The following PLEKHH2 variants were observed in gnomAD, a reference collection of about 807,000 sequenced individuals.
PLEKHH2 encodes the protein pleckstrin homology domain-containing family H member 2.
PLEKHH2 carries 129 observed loss-of-function variants against 187.9 expected under a neutral mutation model. The ratio of observed to expected loss-of-function variants is 0.69; its 90% CI spans 0.59 to 0.79. PLEKHH2 has a LOEUF of 0.79. Among genes scored for constraint, PLEKHH2 ranks in the 30% least tolerant of loss-of-function variants. The pLI is 0.00. For synonymous variants in PLEKHH2, 686 were observed against 605.6 expected (o/e 1.13, Z -1.95); for missense variants, 2,076 against 1,751.2 (o/e 1.19, Z -3.31).
rs1336432869 is a variant in PLEKHH2 at position 43,767,693 on chromosome 2, C to A, written c.*2095C>A. ...TTATTCATCATTTGGTAAGCCCCTC[C>A]CCACACTCCTCTAATTTAAACAAGT... On this transcript the variant is annotated 3_prime_UTR_variant, in exon 30 of 30. Coordinates refer to ENST00000282406, the MANE Select transcript of PLEKHH2 (RefSeq NM_172069.4). The A allele has an allele frequency of 6.5e-6, 1 of 152,674 alleles. No individual in the cohort carries two copies. The highest frequency in any genetic ancestry group is 1.5e-5 in the Non-Finnish European group (1 of 68,020). The allele number at this position is 152,674 out of a possible 1,614,324, so 9.5% of individuals were successfully genotyped here.
At chr2:43,750,618 A>G (rs925755217) in intron 24 of PLEKHH2, among the ~76,000 whole-genome samples, 4 of 152,158 alleles carry the variant, frequency 2.6e-5, no homozygotes, top group African/African-American at 9.7e-5. Context: ...AACTCTTTGT[A>G]TGCATTCTTA....
intron 22 of PLEKHH2, among the ~76,000 whole-genome samples, chr2:43,743,129 G>A (rs1027849309): frequency 6.6e-6 from 1 of 152,200 alleles, no homozygotes; most frequent in African/African-American, 2.4e-5. Context: ...CCAAATAAGG[G>A]ATGGGCTTCA....
chr2:43,685,286 T>G (rs1401773677), intron 3 of PLEKHH2, among the ~76,000 whole-genome samples: 1 of 152,240 alleles, frequency 6.6e-6, no homozygotes, highest in Admixed American at 6.5e-5. Flanking sequence ...GCTTTGTACA[T>G]TTTTCCCTTT....
chr2:43,680,789 AT>A, intron 3 of PLEKHH2: 1 of 377,890 alleles, frequency 2.6e-6, no homozygotes, highest in Non-Finnish European at 5.0e-6. Context: ...CAAGTTTCTC[AT>A]TTTCTTGACA....
At chr2:43,717,713 G>A (rs1454378978) in intron 15 of PLEKHH2, among the ~76,000 whole-genome samples, 3 of 152,180 alleles carry the variant, frequency 2.0e-5, no homozygotes, top group Non-Finnish European at 2.9e-5. Flanking sequence ...CACAAGTCCT[G>A]GCTCTGCCAC....
chr2:43,714,984 T>C (rs1670145629), intron 15 of PLEKHH2, among the ~76,000 whole-genome samples: 1 of 152,064 alleles, frequency 6.6e-6, no homozygotes, highest in Non-Finnish European at 1.5e-5. Context: ...ACAGCGCGAA[T>C]GAAGGCTTAG....
chr2:43,739,343 G>A (rs140508638), intron 20 of PLEKHH2, among the ~76,000 whole-genome samples: 264 of 152,230 alleles, frequency 1.7e-3, no homozygotes, highest in African/African-American at 6.0e-3. Flanking sequence ...CTTTATTAGT[G>A]CAGTTGAATA....
chr2:43,752,274 A>G (rs1672040089), intron 24 of PLEKHH2, among the ~76,000 whole-genome samples: 1 of 152,180 alleles, frequency 6.6e-6, no homozygotes, highest in Non-Finnish European at 1.5e-5. Context: ...TCTGTTGCCC[A>G]GCCATATTCT....
chr2:43,678,270 C>T (rs1321994027), intron 2 of PLEKHH2, among the ~76,000 whole-genome samples: 19 of 150,764 alleles, frequency 1.3e-4, no homozygotes, highest in South Asian at 4.2e-4. Flanking sequence ...AGACCATGGG[C>T]GGCCAGGCAG....
intron 7 of PLEKHH2, among the ~76,000 whole-genome samples, chr2:43,698,130 C>T (rs996316410): frequency 6.6e-6 from 1 of 152,144 alleles, no homozygotes; most frequent in Non-Finnish European, 1.5e-5. Context: ...AAAAGTATAA[C>T]AGTAAAAGTT....
chr2:43,651,027 A>C (rs935025693), intron 2 of PLEKHH2, among the ~76,000 whole-genome samples: 4 of 152,176 alleles, frequency 2.6e-5, no homozygotes, highest in Non-Finnish European at 5.9e-5. Flanking sequence ...ATGTATATTT[A>C]CATTAATGCA....
At chr2:43,659,974 C>G (rs973120431) in intron 2 of PLEKHH2, among the ~76,000 whole-genome samples, 1 of 152,134 alleles carries the variant, frequency 6.6e-6, no homozygotes, top group African/African-American at 2.4e-5. Context: ...ATTCCGTAAC[C>G]ACTACCACAA....
At chr2:43,728,477 CA>C (rs1042037842) in intron 17 of PLEKHH2, among the ~76,000 whole-genome samples, 664 of 56,026 alleles carry the variant, frequency 0.012, 4 homozygotes, top group African/African-American at 0.033. Context: ...GACTCTGTCT[CA>C]AAAAAAAAAA....
intron 9 of PLEKHH2, among the ~76,000 whole-genome samples, chr2:43,705,355 A>G (rs1298877646): frequency 1.4e-5 from 2 of 142,494 alleles, no homozygotes; most frequent in Non-Finnish European, 3.0e-5. Context: ...TCCTGGGCTC[A>G]AGCGATCCTC....
intron 2 of PLEKHH2, among the ~76,000 whole-genome samples, chr2:43,670,354 T>C (rs916108287): frequency 1.3e-5 from 2 of 152,210 alleles, no homozygotes; most frequent in African/African-American, 2.4e-5. Context: ...GAAAATATTG[T>C]TCCCAGCAGT....
In PLEKHH2 at chr2:43,710,492, G is replaced by A. The variant is rs1669906335; in HGVS notation, c.2218G>A (p.Asp740Asn). ...TTTGTTTTTCTGTTTCATACAGAGT[G>A]ATGTAATTAGAAAACCCCAGGGCCA... ...GELLYYKSPS[D>N]VIRKPQGHIE... The change falls in exon 14 of 30, where the codon GAT (aspartate) becomes AAT (asparagine). Residue 740 changes from aspartate to asparagine, a missense_variant. Physicochemically the swap from Asp to Asn is conservative, Grantham distance 23 (BLOSUM62 1). Coordinates refer to ENST00000282406, the MANE Select transcript of PLEKHH2 (RefSeq NM_172069.4). 3 of 1,593,716 alleles carry A rather than the reference G, an allele frequency of 1.9e-6. No homozygotes were observed. The Middle Eastern group carries it at 5.0e-4, about 266-fold the overall frequency.
At chr2:43,655,674 C>T (rs1666717747) in intron 2 of PLEKHH2, among the ~76,000 whole-genome samples, 1 of 152,152 alleles carries the variant, frequency 6.6e-6, no homozygotes, top group Non-Finnish European at 1.5e-5. Context: ...GATCACAAAA[C>T]GACCTACTTT....
chr2:43,667,902 A>AC (rs202136003), intron 2 of PLEKHH2, among the ~76,000 whole-genome samples: 3,146 of 152,318 alleles, frequency 0.021, 49 homozygotes, highest in South Asian at 0.062. Flanking sequence ...GTAAAAAAAA[A>AC]CGCTGAATTG....
At chr2:43,710,457 T>C (rs780236843) in intron 13 of PLEKHH2, 32 bp from the exon 14 acceptor site, 5 of 1,588,412 alleles carry the variant, frequency 3.1e-6, no homozygotes, top group Middle Eastern at 1.7e-4. Context: ...TTAAAGTTAA[T>C]CACTTTCCAT....
Sources: allele counts gnomAD v4.1 joint callset (sites outside exome capture counted in the v4.1 genomes callset), GRCh38; gene constraint gnomAD v4.1.1; transcripts MANE v1.5; gene names NCBI Gene and HGNC (gene_info 2026-07-23, HGNC 2026-07-21).